The following SYT1 variants were observed in gnomAD, a reference collection of about 807,000 sequenced individuals.
SYT1 encodes the protein synaptotagmin-1.
In SYT1, 8 loss-of-function variants were observed where a neutral mutation model predicts 44.8. That is an observed-to-expected ratio of 0.18 (90% CI 0.10 to 0.32). SYT1 has a LOEUF of 0.32. Ranked by LOEUF, SYT1 falls within the 10% of genes least tolerant of loss-of-function variation. The pLI is 1.00. For synonymous variants in SYT1, 154 were observed against 188.8 expected (o/e 0.82, Z 1.51); for missense variants, 286 against 509.3 (o/e 0.56, Z 4.22).
chr12:79,165,062 G>GT (rs1295508693), intron 3 of SYT1, among the ~76,000 whole-genome samples: 2 of 151,542 alleles, frequency 1.3e-5, no homozygotes, highest in African/African-American at 2.4e-5. Context: ...AGGGTTGTTG[G>GT]TTTTTTTTCA....
At chr12:79,090,067 A>C (rs1456444146) in intron 3 of SYT1, among the ~76,000 whole-genome samples, 2 of 152,038 alleles carry the variant, frequency 1.3e-5, no homozygotes, top group Non-Finnish European at 2.9e-5. Context: ...AACTATGTCT[A>C]CTTTTTCCTG....
intron 2 of SYT1, chr12:79,046,390 C>T (rs1187694855): frequency 2.6e-5 from 4 of 152,216 alleles, no homozygotes; most frequent in Non-Finnish European, 4.4e-5. Context: ...TTCATTCTTT[C>T]CTCATTTTCA....
intron 8 of SYT1, among the ~76,000 whole-genome samples, chr12:79,328,393 A>G (rs1881701333): frequency 6.6e-6 from 1 of 152,182 alleles, no homozygotes; most frequent in Non-Finnish European, 1.5e-5. Flanking sequence ...GTTCATTTCT[A>G]TTTAAGATGA....
At chr12:79,193,708 G>A (rs1025490173) in intron 3 of SYT1, among the ~76,000 whole-genome samples, 27 of 149,598 alleles carry the variant, frequency 1.8e-4, no homozygotes, top group African/African-American at 6.7e-4. Context: ...AGCCTGGGTA[G>A]TGAGAACCCC....
At chr12:78,997,598 C>T (rs1330838577) in intron 2 of SYT1, among the ~76,000 whole-genome samples, 4 of 152,032 alleles carry the variant, frequency 2.6e-5, no homozygotes, top group African/African-American at 7.2e-5. Flanking sequence ...GTATCTTCTG[C>T]CCTCCCAGAA....
At chr12:79,006,432 A>G (rs1871087513) in intron 2 of SYT1, among the ~76,000 whole-genome samples, 1 of 152,158 alleles carries the variant, frequency 6.6e-6, no homozygotes, top group South Asian at 2.1e-4. Context: ...AAGCAGAAGC[A>G]GCAGTGACTG....
intron 2 of SYT1, among the ~76,000 whole-genome samples, chr12:79,014,171 A>T (rs1018655994): frequency 6.6e-6 from 1 of 151,700 alleles, no homozygotes; most frequent in African/African-American, 2.4e-5. Context: ...AAAGGAAAAG[A>T]AAATAAGCCT....
Position 78,935,304 on chromosome 12 carries a change from G to A in SYT1, c.-216-42495G>A, listed in dbSNP as rs556638735. 2.9e-4 allele frequency among the ~76,000 whole-genome samples: 44 copies of A among 152,096 alleles called. No individual in the cohort carries two copies. In the South Asian group the frequency reaches 9.1e-3, roughly 32 times the overall value. On this transcript the variant is annotated intron_variant, in intron 1 of 10. Coordinates refer to ENST00000261205, the MANE Select transcript of SYT1 (RefSeq NM_005639.3). ...TTCTGAGAGGTTAGTTCTGGGTCTC[G>A]TTGTTTCAATTAATCATTTATTCAA...
intron 3 of SYT1, among the ~76,000 whole-genome samples, chr12:79,200,633 G>A (rs927131847): frequency 1.3e-5 from 2 of 152,146 alleles, no homozygotes; most frequent in Non-Finnish European, 2.9e-5. Context: ...TACCTGCCCA[G>A]GCACTTAGAA....
At chr12:79,196,434 G>C (rs1440951017) in intron 3 of SYT1, among the ~76,000 whole-genome samples, 2 of 152,080 alleles carry the variant, frequency 1.3e-5, no homozygotes, top group Admixed American at 6.6e-5. Flanking sequence ...CCAAAGTACT[G>C]AGATTACAGG....
At chr12:79,444,302 C>A in intron 10 of SYT1, 96 bp downstream of exon 10, 3 of 1,411,010 alleles carry the variant, frequency 2.1e-6, no homozygotes, top group South Asian at 1.3e-5. Flanking sequence ...AGTGCACATG[C>A]CTTCATTAGA....
chr12:79,313,029 A>T (rs542660640), intron 8 of SYT1, among the ~76,000 whole-genome samples: 1 of 152,342 alleles, frequency 6.6e-6, no homozygotes, highest in Non-Finnish European at 1.5e-5. Flanking sequence ...CTGAGGAAGA[A>T]ACTTAATTTT....
At chr12:78,991,227 C>A (rs1459100167) in intron 2 of SYT1, among the ~76,000 whole-genome samples, 1 of 151,852 alleles carries the variant, frequency 6.6e-6, no homozygotes, top group East Asian at 1.9e-4. Context: ...ATTAAAAGAA[C>A]CCCTGAGAAG....
chr12:79,013,135 T>TTAAA (rs1184440653), intron 2 of SYT1, among the ~76,000 whole-genome samples: 4 of 152,082 alleles, frequency 2.6e-5, no homozygotes, highest in African/African-American at 9.7e-5. Context: ...ACTATTTCTA[T>TTAAA]CTTGTAGAGT....
At chr12:79,132,366 T>C (rs1384483513) in intron 3 of SYT1, among the ~76,000 whole-genome samples, 1 of 151,734 alleles carries the variant, frequency 6.6e-6, no homozygotes, top group East Asian at 1.9e-4. Context: ...GGAGAATCGT[T>C]TGAACCTGCG....
chr12:79,331,233 C>T (rs568641374), intron 8 of SYT1, among the ~76,000 whole-genome samples: 1 of 152,308 alleles, frequency 6.6e-6, no homozygotes, highest in South Asian at 2.1e-4. Flanking sequence ...TTAGAAGTCA[C>T]CTTTTGTAAT....
chr12:78,959,679 C>T (rs1014175367), intron 1 of SYT1, among the ~76,000 whole-genome samples: 1 of 152,134 alleles, frequency 6.6e-6, no homozygotes, highest in Admixed American at 6.6e-5. Context: ...GCTGTCAGGG[C>T]TTCTTAAGAA....
intron 3 of SYT1, among the ~76,000 whole-genome samples, chr12:79,091,624 C>G (rs546417800): frequency 9.2e-5 from 14 of 151,754 alleles, no homozygotes; most frequent in African/African-American, 3.4e-4. Flanking sequence ...GATTCCAAGT[C>G]AGAAAAAAAT....
chr12:79,218,466 C>T lies in SYT1; in HGVS notation c.166+781C>T, dbSNP rs143567486. The stretch of plus-strand genomic sequence containing the variant: ...ACATCATGTTGTGCAAAAGATCTCT[C>T]GAACTTATTTCTCCTCTGTAACTGA... On this transcript the variant is annotated intron_variant, in intron 4 of 10. Coordinates refer to ENST00000261205, the MANE Select transcript of SYT1 (RefSeq NM_005639.3). 6.2e-4 allele frequency among the ~76,000 whole-genome samples: 94 copies of T among 152,080 alleles called. 1 individual carries two copies. The highest frequency in any genetic ancestry group is 2.1e-3 in the African/African-American group (88 of 41,426).
Sources: allele counts gnomAD v4.1 joint callset (sites outside exome capture counted in the v4.1 genomes callset), GRCh38; gene constraint gnomAD v4.1.1; transcripts MANE v1.5; gene names NCBI Gene and HGNC (gene_info 2026-07-23, HGNC 2026-07-21).